The following TIAM2 variants were observed in gnomAD, a reference collection of about 807,000 sequenced individuals.
TIAM2 encodes TIAM Rac1 associated GEF 2, also known as rho guanine nucleotide exchange factor TIAM2.
A neutral mutation model predicts 152.9 loss-of-function variants in TIAM2; 80 were observed. That is an observed-to-expected ratio of 0.52 (90% CI 0.44 to 0.63). TIAM2 has a LOEUF of 0.63. Ranked by LOEUF, TIAM2 falls within the 30% of genes least tolerant of loss-of-function variation. The pLI, the probability that TIAM2 is intolerant of heterozygous loss-of-function variation, is 0.00. For missense variants in TIAM2, 1,965 were observed against 2,120.1 expected, an observed-to-expected ratio of 0.93 and a Z score of 1.44; for synonymous variants, 804 against 838.0, an observed-to-expected ratio of 0.96 and a Z score of 0.70.
At position 155,137,521 on chromosome 6, in the gene TIAM2, C is replaced by T; in HGVS notation, c.1539C>T (p.Leu513=). 1 of 1,614,040 alleles carries T rather than the reference C, an allele frequency of 6.2e-7. No individual in the cohort carries two copies. Among genetic ancestry groups the T allele is most frequent in the Non-Finnish European group, 8.5e-7 (1 of 1,180,022 alleles). The change falls in exon 5 of 27, where the codon CTC becomes CTT. Residue 513 remains leucine (L), a synonymous_variant. Transcript: ENST00000682666. ...EQGVVRKAGW[L]FFKPLVTVQK... Reference sequence around the variant, plus strand: ...GGGTGGTCCGGAAGGCCGGGTGGCTCTTCTTCAAGCCCCTGGTCACTGTGC... The same window carrying T: ...GGGTGGTCCGGAAGGCCGGGTGGCTTTTCTTCAAGCCCCTGGTCACTGTGC...
chr6:155,102,990 G>C (rs73794403), intron 2 of TIAM2, among the ~76,000 whole-genome samples: 3 of 151,980 alleles, frequency 2.0e-5, no homozygotes, highest in Non-Finnish European at 4.4e-5. Context: ...AGAATACTTC[G>C]TAAGTGGTAA....
At chr6:155,195,877 G>A (rs1240017568) in intron 14 of TIAM2, among the ~76,000 whole-genome samples, 1 of 152,244 alleles carries the variant, frequency 6.6e-6, no homozygotes, top group East Asian at 1.9e-4. Flanking sequence ...GTGCCTGGAA[G>A]GGCAAGGGAA....
At chr6:155,151,571 AG>A (rs1779971096) in intron 7 of TIAM2, among the ~76,000 whole-genome samples, 1 of 152,162 alleles carries the variant, frequency 6.6e-6, no homozygotes, top group African/African-American at 2.4e-5. Flanking sequence ...TCAGATGGTA[AG>A]GTTTATTTTA....
chr6:155,176,503 G>T (rs912969919), intron 9 of TIAM2, among the ~76,000 whole-genome samples: 2 of 152,210 alleles, frequency 1.3e-5, no homozygotes, highest in Non-Finnish European at 2.9e-5. Context: ...CAAAGTGCTG[G>T]GATTACAGGC....
In TIAM2 at chr6:155,137,272, G is replaced by A. The variant is rs1322905822; in HGVS notation, c.1290G>A (p.Leu430=). Residue 430 remains leucine, a synonymous_variant, in exon 5 of 27, where the codon CTG becomes CTA. Transcript: ENST00000682666. ...VQGSSQASAF[L]WSGGSTQILS... ...GATCCTCCCAGGCATCTGCTTTTCT[G>A]TGGTCAGGGGGCTCTACTCAGATCC... 3.7e-6 allele frequency: 6 copies of A among 1,614,196 alleles called. No individual in the cohort carries two copies. Among genetic ancestry groups the A allele is most frequent in the South Asian group, 1.1e-5 (1 of 91,078 alleles).
chr6:155,076,766 G>T (rs1375209767), intron 1 of TIAM2, among the ~76,000 whole-genome samples: 1 of 152,144 alleles, frequency 6.6e-6, no homozygotes, highest in Non-Finnish European at 1.5e-5. Context: ...CGTGATTGTG[G>T]CTCACTGCAA....
intron 16 of TIAM2, among the ~76,000 whole-genome samples, chr6:155,241,849 C>T (rs189116444): frequency 9.9e-5 from 15 of 152,274 alleles, no homozygotes; most frequent in Admixed American, 3.9e-4. Flanking sequence ...TTTTCCAAGT[C>T]GCTGTGTGGC....
At chr6:155,038,887 G>A (rs1254245927) in intron 1 of TIAM2, among the ~76,000 whole-genome samples, 2 of 149,846 alleles carry the variant, frequency 1.3e-5, no homozygotes, top group Non-Finnish European at 3.0e-5. Flanking sequence ...AGCTGTGACT[G>A]TGCCACCACA....
At chr6:155,046,484 T>C (rs1777178444) in intron 1 of TIAM2, among the ~76,000 whole-genome samples, 1 of 151,952 alleles carries the variant, frequency 6.6e-6, no homozygotes, top group African/African-American at 2.4e-5. Context: ...TACAGGCATG[T>C]GCCACCACGC....
chr6:155,133,936 C>T (rs1440805995), intron 4 of TIAM2, among the ~76,000 whole-genome samples: 2 of 152,076 alleles, frequency 1.3e-5, no homozygotes, highest in Non-Finnish European at 2.9e-5. Context: ...AGGCTGGTCT[C>T]GAACTCCCGA....
chr6:155,238,749 T>A (rs919519693), intron 15 of TIAM2, among the ~76,000 whole-genome samples: 2 of 152,234 alleles, frequency 1.3e-5, no homozygotes, highest in African/African-American at 4.8e-5. Flanking sequence ...TCCACAGAAG[T>A]CTTTGTTGAT....
chr6:155,228,359 A>G (rs1016571434), intron 15 of TIAM2, among the ~76,000 whole-genome samples: 7 of 152,204 alleles, frequency 4.6e-5, no homozygotes, highest in Non-Finnish European at 1.0e-4. Context: ...TAAAGTGATA[A>G]AGATAATCTT....
intron 5 of TIAM2, among the ~76,000 whole-genome samples, chr6:155,140,026 A>C (rs1779655016): frequency 6.6e-6 from 1 of 152,226 alleles, no homozygotes; most frequent in Admixed American, 6.5e-5. Context: ...TGTGTTTCCA[A>C]GTTGATGTGG....
At chr6:155,219,386 C>G (rs113818920) in intron 15 of TIAM2, among the ~76,000 whole-genome samples, 3,754 of 152,122 alleles carry the variant, frequency 0.025, 157 homozygotes, top group African/African-American at 0.085. Context: ...CTCTGCCAGC[C>G]GAGGAGGGCT....
intron 14 of TIAM2, among the ~76,000 whole-genome samples, chr6:155,210,312 C>T (rs1781690092): frequency 6.7e-6 from 1 of 150,178 alleles, no homozygotes; most frequent in Admixed American, 6.6e-5. Context: ...CTTCCTTCCC[C>T]TCCTCTTTCT....
At chr6:155,113,380 T>G (rs1298156371) in intron 2 of TIAM2, among the ~76,000 whole-genome samples, 3 of 152,082 alleles carry the variant, frequency 2.0e-5, no homozygotes, top group Non-Finnish European at 4.4e-5. Flanking sequence ...CCTCCCCCAT[T>G]TCCTTCTTTA....
chr6:155,240,952 A>G (rs1051500015), intron 16 of TIAM2, among the ~76,000 whole-genome samples: 1 of 152,234 alleles, frequency 6.6e-6, no homozygotes, highest in African/African-American at 2.4e-5. Flanking sequence ...AGCTTTCACT[A>G]TGGAAACAGA....
At position 155,165,381 on chromosome 6, in the gene TIAM2, G is replaced by T; in HGVS notation, c.2333G>T (p.Gly778Val). 6.2e-7 allele frequency: 1 copy of T among 1,613,824 alleles called. No individual in the cohort carries two copies. Among genetic ancestry groups the T allele is most frequent in the Non-Finnish European group, 8.5e-7 (1 of 1,179,932 alleles). The change falls in exon 9 of 27, where the codon GGC becomes GTC. Residue 778 changes from glycine to valine, a missense_variant. By Grantham distance (109) the Gly-to-Val change is moderately radical. This residue lies in a region of TIAM2 where 1,025 missense variants were observed against 1,119.4 expected (regional missense o/e 0.92). Coordinates refer to ENST00000682666, the MANE Select transcript of TIAM2 (RefSeq NM_012454.4). ...GGGCTGGACACACTGGCCAGAAAAG[G>T]CAAGGAGAAGAGACCTTCTATAACT... is the stretch of plus-strand genomic sequence containing the variant. The part of the protein sequence containing the change: ...LKGLDTLARK[G>V]KEKRPSITQV...
intron 4 of TIAM2, among the ~76,000 whole-genome samples, chr6:155,133,844 G>A (rs1779498763): frequency 6.6e-6 from 1 of 152,076 alleles, no homozygotes; most frequent in African/African-American, 2.4e-5. Context: ...GTCCTGAGTA[G>A]CTGATCCGGA....
Sources: gnomAD v4.1 joint callset for allele counts (sites outside exome capture counted in the v4.1 genomes callset) on GRCh38, gnomAD v4.1.1 for gene constraint, gnomAD v4.1.1 regional missense constraint, MANE v1.5 for transcripts, NCBI Gene and HGNC (gene_info 2026-07-23, HGNC 2026-07-21) for gene names.